RBP2: variants seen among roughly 807,000 people sequenced by gnomAD.
RBP2 encodes the protein retinol-binding protein 2.
Under a neutral mutation model 17.0 loss-of-function variants are expected in RBP2, and 17 were observed. The observed-to-expected ratio is 1.00, with a 90% CI of 0.68 to 1.50. The LOEUF (loss-of-function observed/expected upper bound fraction) is 1.50. Among genes scored for constraint, RBP2 ranks in the 40% most tolerant of loss-of-function variants. The pLI is 0.00. For synonymous variants in RBP2, 48 were observed against 57.1 expected (o/e 0.84, Z 0.72); for missense variants, 158 against 168.2 (o/e 0.94, Z 0.33).
At chr3:139,463,129 G>C (rs1933247839) in intron 1 of RBP2, among the ~76,000 whole-genome samples, 1 of 152,100 alleles carries the variant, frequency 6.6e-6, no homozygotes, top group South Asian at 2.1e-4. Flanking sequence ...CATCATGCCT[G>C]GCCCCCAAGG....
Position 139,475,984 on chromosome 3 carries a change from A to G in RBP2, c.73+403T>C, listed in dbSNP as rs149821356. Among the ~76,000 whole-genome samples, 105 of 152,328 alleles carry G rather than the reference A, an allele frequency of 6.9e-4. 1 individual carries two copies. Among genetic ancestry groups the G allele is most frequent in the Admixed American group, 3.5e-3 (53 of 15,304 alleles). On this transcript the variant is annotated intron_variant, in intron 1 of 3. Coordinates refer to ENST00000232217, the MANE Select transcript of RBP2 (RefSeq NM_004164.3). ...TCTGCTTCCCCATTACAAAACTGATAAAAGAACAATGCAGAGGTCATTGGT... is the reference window on the plus strand; with the variant it reads ...TCTGCTTCCCCATTACAAAACTGATGAAAGAACAATGCAGAGGTCATTGGT...
At chr3:139,475,450 A>G (rs985255725) in intron 1 of RBP2, among the ~76,000 whole-genome samples, 1 of 152,054 alleles carries the variant, frequency 6.6e-6, no homozygotes, top group African/African-American at 2.4e-5. Flanking sequence ...TTATCACACC[A>G]AAAAACTCAT....
rs190690821 is a variant in RBP2, at chr3:139,453,437, T to G, written c.355-271A>C. ...GCAGGATTTCTCCTACTCCCATGAT[T>G]AAAGTAACATGACCTAATTTATAAA... is the stretch of plus-strand genomic sequence containing the variant. On this transcript the variant is annotated intron_variant, in intron 3 of 3. Transcript: ENST00000232217. 1.5e-3 allele frequency among the ~76,000 whole-genome samples: 235 copies of G among 152,348 alleles called. 1 individual carries two copies. The highest frequency in any genetic ancestry group is 4.4e-3 in the South Asian group (21 of 4,826).
chr3:139,469,734 T>TATCC (rs1204655212), intron 1 of RBP2, among the ~76,000 whole-genome samples: 1 of 151,734 alleles, frequency 6.6e-6, no homozygotes, highest in African/African-American at 2.4e-5. Flanking sequence ...TCTATCTATC[T>TATCC]ACCTACTCAT....
At chr3:139,457,006 A>G (rs1419965355) in intron 2 of RBP2, among the ~76,000 whole-genome samples, 1 of 152,122 alleles carries the variant, frequency 6.6e-6, no homozygotes, top group Non-Finnish European at 1.5e-5. Context: ...CATGTCTTCA[A>G]TTTGGGCAAG....
At chr3:139,469,683 GTCTGTCTATCTATCTATCTA>G (rs1360947098) in intron 1 of RBP2, among the ~76,000 whole-genome samples, 21 of 127,550 alleles carry the variant, frequency 1.6e-4, no homozygotes, top group African/African-American at 5.7e-4. Flanking sequence ...CTGTCTGTCT[GTCTGTCTATCTATCTATCTA>G]TCTATCTATC....
In RBP2 at chr3:139,459,449, T is replaced by C. The variant is rs1428021395; in HGVS notation, c.252+2663A>G. 3.7e-5 allele frequency among the ~76,000 whole-genome samples: 5 copies of C among 134,728 alleles called. No individual in the cohort carries two copies. In the Admixed American group the frequency reaches 3.8e-4, roughly 10 times the overall value. The allele number at this position is 134,728 out of a possible 152,430, so 88.4% of individuals were successfully genotyped here. A position where few individuals can be genotyped will look rare whatever the true frequency, so the allele number is the denominator to read the frequency against. On this transcript the variant is annotated intron_variant, in intron 2 of 3. Transcript: ENST00000232217. ...GTGTGTGTATTCATATTTACATATA[T>C]TTATATATAAATATATATATATATT...
chr3:139,453,396 G>T (rs187066943), intron 3 of RBP2, among the ~76,000 whole-genome samples: 3 of 152,362 alleles, frequency 2.0e-5, no homozygotes, highest in African/African-American at 7.2e-5. Flanking sequence ...AAAATGCAAA[G>T]AAATGACCCT....
At chr3:139,474,453 C>CT (rs1466597374) in intron 1 of RBP2, among the ~76,000 whole-genome samples, 1 of 152,210 alleles carries the variant, frequency 6.6e-6, no homozygotes, top group East Asian at 1.9e-4. Context: ...GATTTTAAAT[C>CT]TAAGTCATCA....
chr3:139,472,134 A>C (rs989169748), intron 1 of RBP2, among the ~76,000 whole-genome samples: 1 of 152,142 alleles, frequency 6.6e-6, no homozygotes, highest in African/African-American at 2.4e-5. Context: ...CTTCCTTCAA[A>C]GCCCCACCAA....
intron 1 of RBP2, among the ~76,000 whole-genome samples, chr3:139,469,937 C>T (rs1340242873): frequency 2.0e-5 from 3 of 152,172 alleles, no homozygotes; most frequent in African/African-American, 7.2e-5. Flanking sequence ...GCCTGGGCTC[C>T]TGTCTTAGGC....
Position 139,452,940 on chromosome 3 carries a change from A to C in RBP2, c.*176T>G. ...GTTTTTCCATTTAATGCTAGGTTTC[A>C]AAGGAGGGGAATATGTCTATCACTG... is the stretch of plus-strand genomic sequence containing the variant. On this transcript the variant is annotated 3_prime_UTR_variant, in exon 4 of 4. Transcript: ENST00000232217. 1 of 637,404 alleles carries C rather than the reference A, an allele frequency of 1.6e-6. No homozygotes were observed. Among genetic ancestry groups the C allele is most frequent in the South Asian group, 2.0e-5 (1 of 48,956 alleles). 39.5% of individuals were successfully genotyped at this position (637,404 alleles called of 1,614,324 possible).
At position 139,452,979 on chromosome 3, in the gene RBP2, C is replaced by T; in HGVS notation, c.*137G>A. ...TGTCTATCACTGCTACATAGGCATT[C>T]TGTTTAAAACCCACCCAGATGCCTT... is the stretch of plus-strand genomic sequence containing the variant. On this transcript the variant is annotated 3_prime_UTR_variant, in exon 4 of 4. Coordinates refer to ENST00000232217, the MANE Select transcript of RBP2 (RefSeq NM_004164.3). The T allele has an allele frequency of 1.1e-6, 1 of 898,520 alleles. No individual in the cohort carries two copies. Among genetic ancestry groups the T allele is most frequent in the Non-Finnish European group, 1.8e-6 (1 of 554,170 alleles). The allele number at this position is 898,520 out of a possible 1,614,324, so 55.7% of individuals were successfully genotyped here.
At chr3:139,464,579 G>T (rs966198118) in intron 1 of RBP2, among the ~76,000 whole-genome samples, 1 of 152,156 alleles carries the variant, frequency 6.6e-6, no homozygotes, top group African/African-American at 2.4e-5. Context: ...CATGAGAAAG[G>T]GCCCTGGGTA....
intron 1 of RBP2, among the ~76,000 whole-genome samples, chr3:139,468,668 ACAC>A (rs531331360): frequency 9.5e-4 from 143 of 151,016 alleles, no homozygotes; most frequent in African/African-American, 3.4e-3. Context: ...AAACACACAC[ACAC>A]ATGCACACAC....
At chr3:139,475,476 A>G (rs900023958) in intron 1 of RBP2, among the ~76,000 whole-genome samples, 6 of 152,172 alleles carry the variant, frequency 3.9e-5, no homozygotes, top group African/African-American at 9.6e-5. Context: ...CCACTCTTGG[A>G]GAGACCTCCC....
At chr3:139,476,314 A>T (rs1166094748) in intron 1 of RBP2, 73 bp downstream of exon 1, 1 of 1,283,500 alleles carries the variant, frequency 7.8e-7, no homozygotes, top group Non-Finnish European at 1.1e-6. Context: ...ACTCCATAGC[A>T]GCACTGTCTG....
intron 1 of RBP2, among the ~76,000 whole-genome samples, chr3:139,470,956 G>A (rs1463562286): frequency 2.0e-5 from 3 of 151,888 alleles, no homozygotes; most frequent in Non-Finnish European, 4.4e-5. Context: ...ACTAGTCAGC[G>A]TTCAAACCTG....
At chr3:139,457,119 G>A (rs1932998822) in intron 2 of RBP2, among the ~76,000 whole-genome samples, 1 of 152,180 alleles carries the variant, frequency 6.6e-6, no homozygotes, top group East Asian at 1.9e-4. Context: ...TAGACAGTAA[G>A]CTCCATGAAA....
Sources: gnomAD v4.1 joint callset for allele counts (sites outside exome capture counted in the v4.1 genomes callset) on GRCh38, gnomAD v4.1.1 for gene constraint, MANE v1.5 for transcripts, NCBI Gene and HGNC (gene_info 2026-07-23, HGNC 2026-07-21) for gene names.